The following GPR32 variants were observed in gnomAD, a reference collection of about 807,000 sequenced individuals.
GPR32 encodes G protein-coupled receptor 32.
For missense variants in GPR32, 433 were observed against 454.1 expected (o/e 0.95, Z 0.42); for synonymous variants, 215 against 195.3 (o/e 1.10, Z -0.84).
rs764920430 is a variant in GPR32 at position 50,771,317 on chromosome 19, C to A, written c.717C>A (p.Ile239=). The change falls in exon 1 of 1, where the codon ATC becomes ATA. Residue 239 remains isoleucine (I), a synonymous_variant. Transcript: ENST00000270590. ...TCATAGGCACCTGCGCCCACCTCAT[C>A]CGGGCCAAGCTCTTGCGGGAGGGCT... ...LAIIGTCAHL[I]RAKLLREGWV... 1.2e-6 allele frequency: 2 copies of A among 1,614,140 alleles called. No homozygotes were observed. Among genetic ancestry groups the A allele is most frequent in the South Asian group, 2.2e-5 (2 of 91,084 alleles).
chr19:50,770,516 T>C lies in GPR32; in HGVS notation c.-85T>C, dbSNP rs2089392893. ...GTGATCTGTGATTGTACCTTTGCAC[T>C]CCAGCCTGGGTGACAGAGCATGACG... On this transcript the variant is annotated 5_prime_UTR_variant, in exon 1 of 1. Coordinates refer to ENST00000270590, the MANE Select transcript of GPR32 (RefSeq NM_001506.2). 1 of 934,010 alleles carries C rather than the reference T, an allele frequency of 1.1e-6. No homozygotes were observed. Among genetic ancestry groups the C allele is most frequent in the East Asian group, 2.6e-5 (1 of 37,910 alleles). The allele number at this position is 934,010 out of a possible 1,614,324, so 57.9% of individuals were successfully genotyped here. A position where few individuals can be genotyped will look rare whatever the true frequency, so the allele number is the denominator to read the frequency against.
chr19:50,770,636 T>C lies in GPR32; in HGVS notation c.36T>C (p.Ser12=). The C allele has an allele frequency of 6.2e-7, 1 of 1,609,278 alleles. No individual in the cohort carries two copies. Among genetic ancestry groups the C allele is most frequent in the East Asian group, 2.2e-5 (1 of 44,834 alleles). ...NGVSEGTRGC[S]DRQPGVLTRD... ...TCTCGGAGGGGACCAGAGGCTGCAG[T>C]GACAGGCAACCTGGGGTCCTGACAC... The change falls in exon 1 of 1, where the codon AGT becomes AGC. Residue 12 remains serine (S), a synonymous_variant. Transcript: ENST00000270590.
rs558678074 is a variant in GPR32, at chr19:50,771,211, T to C, written c.611T>C (p.Ile204Thr). ...AACTCTGACAATGAGACTGCCCAGA[T>C]TTGGATTGAAGGGGTCGTGGAGGGA... is the stretch of plus-strand genomic sequence containing the variant. ...AFNSDNETAQ[I>T]WIEGVVEGHI... Residue 204 changes from isoleucine to threonine, a missense_variant, in exon 1 of 1, where the codon ATT becomes ACT. Transcript: ENST00000270590. 6.2e-7 allele frequency: 1 copy of C among 1,614,180 alleles called. No individual in the cohort carries two copies. Among genetic ancestry groups the C allele is most frequent in the African/African-American group, 1.3e-5 (1 of 75,050 alleles).
rs751531782 is a variant in GPR32 at position 50,770,793 on chromosome 19, C to T, written c.193C>T (p.Leu65=). The T allele has an allele frequency of 3.7e-6, 6 of 1,614,144 alleles. No individual in the cohort carries two copies. In the South Asian group the frequency reaches 6.6e-5, roughly 18 times the overall value. The change falls in exon 1 of 1, where the codon CTG becomes TTG. Residue 65 remains leucine, a synonymous_variant. Transcript: ENST00000270590. ...VVGVLGNGLV[L]WMTVFRMART... The stretch of plus-strand genomic sequence containing the variant: ...CGGAGTGCTGGGCAATGGGCTGGTG[C>T]TGTGGATGACTGTCTTCCGTATGGC...
At position 50,770,485 on chromosome 19, in the gene GPR32, G is replaced by A. The variant is rs902247701; in HGVS notation, c.-116G>A. On this transcript the variant is annotated 5_prime_UTR_variant, in exon 1 of 1. Coordinates refer to ENST00000270590, the MANE Select transcript of GPR32 (RefSeq NM_001506.2). ...GATCTCTTGAGCCTAGGAGGTGGAG[G>A]CTGCAGTGATCTGTGATTGTACCTT... The A allele has an allele frequency of 2.2e-5, 15 of 686,942 alleles. No homozygotes were observed. The highest frequency in any genetic ancestry group is 3.1e-5 in the Non-Finnish European group (13 of 417,832). 42.6% of individuals were successfully genotyped at this position (686,942 alleles called of 1,614,324 possible).
chr19:50,770,705 G>A lies in GPR32; in HGVS notation c.105G>A (p.Leu35=), dbSNP rs35300823. Residue 35 remains leucine (L), a synonymous_variant, in exon 1 of 1, where the codon CTG becomes CTA. Coordinates refer to ENST00000270590, the MANE Select transcript of GPR32 (RefSeq NM_001506.2). ...CSRKMNSSGC[L]SEEVGSLRPL... The stretch of plus-strand genomic sequence containing the variant: ...GGAAGATGAACTCTTCCGGATGCCT[G>A]TCTGAGGAGGTGGGGTCCCTCCGCC... The A allele has an allele frequency of 0.017, 27,993 of 1,614,058 alleles. 334 individuals carry two copies. Among genetic ancestry groups the A allele is most frequent in the Admixed American group, 0.048 (2,873 of 59,988 alleles).
rs1200870762 is a variant in GPR32, at chr19:50,771,086, C to T, written c.486C>T (p.Ala162=). 6.2e-7 allele frequency: 1 copy of T among 1,614,058 alleles called. No individual in the cohort carries two copies. Among genetic ancestry groups the T allele is most frequent in the Non-Finnish European group, 8.5e-7 (1 of 1,180,044 alleles). Residue 162 remains alanine, a synonymous_variant, in exon 1 of 1, where the codon GCC becomes GCT. Coordinates refer to ENST00000270590, the MANE Select transcript of GPR32 (RefSeq NM_001506.2). Reference sequence around the variant, plus strand: ...CTGTGCAGCGGGCGAGCTGGCTGGCCTTTGGGGTGTGGCTCCTGGCCGCCG... The same window carrying T: ...CTGTGCAGCGGGCGAGCTGGCTGGCTTTTGGGGTGTGGCTCCTGGCCGCCG... ...HRTVQRASWL[A]FGVWLLAAAL... is the part of the protein sequence containing the mutation.
Position 50,771,389 on chromosome 19 carries a change from C to T in GPR32, c.789C>T (p.Ser263=), listed in dbSNP as rs372938540. The part of the protein sequence containing the change: ...RPKRLLLVLV[S]AFFIFWSPFN... Reference sequence around the variant, plus strand: ...AGAGGCTGCTGCTGGTGCTGGTGAGCGCTTTCTTTATCTTCTGGTCCCCGT... The same window carrying T: ...AGAGGCTGCTGCTGGTGCTGGTGAGTGCTTTCTTTATCTTCTGGTCCCCGT... The change falls in exon 1 of 1, where the codon AGC becomes AGT. Residue 263 remains serine, a synonymous_variant. Transcript: ENST00000270590. The T allele has an allele frequency of 2.5e-6, 4 of 1,614,130 alleles. No individual in the cohort carries two copies. The highest frequency in any genetic ancestry group is 2.5e-6 in the Non-Finnish European group (3 of 1,180,022).
At position 50,770,900 on chromosome 19, in the gene GPR32, C is replaced by T. The variant is rs2089396151; in HGVS notation, c.300C>T (p.Tyr100=). ...CACTGTCTCTGCCCATTGCCATGTA[C>T]TATATTGTCTCCAGGCAGTGGCTCC... ...MLSLSLPIAM[Y]YIVSRQWLLG... Residue 100 remains tyrosine (Y), a synonymous_variant, in exon 1 of 1, where the codon TAC becomes TAT. Coordinates refer to ENST00000270590, the MANE Select transcript of GPR32 (RefSeq NM_001506.2). 1 of 1,614,212 alleles carries T rather than the reference C, an allele frequency of 6.2e-7. No homozygotes were observed. Among genetic ancestry groups the T allele is most frequent in the Non-Finnish European group, 8.5e-7 (1 of 1,180,044 alleles).
Position 50,771,196 on chromosome 19 carries a change from A to G in GPR32, c.596A>G (p.Asn199Ser). 6.2e-7 allele frequency: 1 copy of G among 1,614,192 alleles called. No homozygotes were observed. The highest frequency in any genetic ancestry group is 8.5e-7 in the Non-Finnish European group (1 of 1,180,038). Residue 199 changes from asparagine (N) to serine (S), a missense_variant, in exon 1 of 1, where the codon AAT (asparagine) becomes AGT (serine). Physicochemically the swap from Asn to Ser is conservative, Grantham distance 46. Transcript: ENST00000270590. ...TGCTACTTGGCGTTCAACTCTGACA[A>G]TGAGACTGCCCAGATTTGGATTGAA... ...THCYLAFNSD[N>S]ETAQIWIEGV...
chr19:50,771,251 C>A lies in GPR32; in HGVS notation c.651C>A (p.Thr217=). 2 of 1,614,146 alleles carry A rather than the reference C, an allele frequency of 1.2e-6. No individual in the cohort carries two copies. Among genetic ancestry groups the A allele is most frequent in the Non-Finnish European group, 1.7e-6 (2 of 1,180,030 alleles). The change falls in exon 1 of 1, where the codon ACC becomes ACA. Residue 217 remains threonine, a synonymous_variant. Transcript: ENST00000270590. ...TCGTGGAGGGACACATTATAGGGAC[C>A]ATTGGCCACTTCCTGCTGGGCTTCC... ...EGVVEGHIIG[T]IGHFLLGFLG... is the part of the protein sequence containing the mutation.
chr19:50,770,776 T>C lies in GPR32; in HGVS notation c.176T>C (p.Leu59Pro), dbSNP rs1312473417. ...ILSASIVVGV[L>P]GNGLVLWMTV... ...TCTGCGTCCATTGTCGTCGGAGTGCTGGGCAATGGGCTGGTGCTGTGGATG... is the reference window on the plus strand; with the variant it reads ...TCTGCGTCCATTGTCGTCGGAGTGCCGGGCAATGGGCTGGTGCTGTGGATG... The change falls in exon 1 of 1, where the codon CTG (leucine) becomes CCG (proline). Residue 59 changes from leucine (L) to proline (P), a missense_variant. Coordinates refer to ENST00000270590, the MANE Select transcript of GPR32 (RefSeq NM_001506.2). 2.5e-6 allele frequency: 4 copies of C among 1,614,036 alleles called. No homozygotes were observed. In the African/African-American group the frequency reaches 5.3e-5, roughly 22 times the overall value.
In GPR32 at chr19:50,771,239, C is replaced by T. The variant is rs2089398864; in HGVS notation, c.639C>T (p.His213=). The T allele has an allele frequency of 6.2e-7, 1 of 1,614,042 alleles. No homozygotes were observed. Among genetic ancestry groups the T allele is most frequent in the Non-Finnish European group, 8.5e-7 (1 of 1,180,016 alleles). Residue 213 remains histidine, a synonymous_variant, in exon 1 of 1, where the codon CAC becomes CAT. Coordinates refer to ENST00000270590, the MANE Select transcript of GPR32 (RefSeq NM_001506.2). ...GGATTGAAGGGGTCGTGGAGGGACA[C>T]ATTATAGGGACCATTGGCCACTTCC... ...QIWIEGVVEG[H]IIGTIGHFLL...
At position 50,771,183 on chromosome 19, in the gene GPR32, T is replaced by G; in HGVS notation, c.583T>G (p.Phe195Val). 6.2e-7 allele frequency: 1 copy of G among 1,614,166 alleles called. No homozygotes were observed. The highest frequency in any genetic ancestry group is 8.5e-7 in the Non-Finnish European group (1 of 1,180,034). ...WNGCTHCYLA[F>V]NSDNETAQIW... ...TGGCTGTACGCACTGCTACTTGGCG[T>G]TCAACTCTGACAATGAGACTGCCCA... Residue 195 changes from phenylalanine (F) to valine (V), a missense_variant, in exon 1 of 1, where the codon TTC becomes GTC. Physicochemically the swap from Phe to Val is conservative, Grantham distance 50. Coordinates refer to ENST00000270590, the MANE Select transcript of GPR32 (RefSeq NM_001506.2).
rs769240443 is a variant in GPR32 at position 50,771,174 on chromosome 19, T to C, written c.574T>C (p.Tyr192His). The C allele has an allele frequency of 1.2e-6, 2 of 1,614,238 alleles. No homozygotes were observed. Among genetic ancestry groups the C allele is most frequent in the Non-Finnish European group, 8.5e-7 (1 of 1,180,046 alleles). The change falls in exon 1 of 1, where the codon TAC becomes CAC. Residue 192 changes from tyrosine to histidine, a missense_variant. Transcript: ENST00000270590. ...AAAATGGAATGGCTGTACGCACTGC[T>C]ACTTGGCGTTCAACTCTGACAATGA... The part of the protein sequence containing the change: ...TRKWNGCTHC[Y>H]LAFNSDNETA...
the GPR32 span, chr19:50,771,407 G>A: frequency 2.5e-6 from 4 of 1,614,098 alleles, no homozygotes; most frequent in East Asian, 2.2e-5. Context: ...TTATCTTCTG[G>A]TCCCCGTTTA....
rs985714787 is a variant in GPR32, at chr19:50,770,653, T to C, written c.53T>C (p.Val18Ala). 2 of 1,612,924 alleles carry C rather than the reference T, an allele frequency of 1.2e-6. No individual in the cohort carries two copies. Among genetic ancestry groups the C allele is most frequent in the Non-Finnish European group, 8.5e-7 (1 of 1,179,400 alleles). The change falls in exon 1 of 1, where the codon GTC (valine) becomes GCC (alanine). Residue 18 changes from valine to alanine, a missense_variant. Transcript: ENST00000270590. ...GGCTGCAGTGACAGGCAACCTGGGG[T>C]CCTGACACGTGATCGCTCTTGTTCC... ...TRGCSDRQPG[V>A]LTRDRSCSRK...
rs373098205 is a variant in GPR32, at chr19:50,771,226, T to A, written c.626T>A (p.Val209Asp). ...ACTGCCCAGATTTGGATTGAAGGGG[T>A]CGTGGAGGGACACATTATAGGGACC... Reference protein sequence around the residue: ...NETAQIWIEGVVEGHIIGTIG... With the variant: ...NETAQIWIEGDVEGHIIGTIG... Residue 209 changes from valine to aspartate, a missense_variant, in exon 1 of 1, where the codon GTC becomes GAC. By Grantham distance (152) the Val-to-Asp change is radical. Transcript: ENST00000270590. The A allele has an allele frequency of 6.2e-7, 1 of 1,614,060 alleles. No individual in the cohort carries two copies. Among genetic ancestry groups the A allele is most frequent in the Non-Finnish European group, 8.5e-7 (1 of 1,180,018 alleles).
chr19:50,771,572 A>T lies in GPR32; in HGVS notation c.972A>T (p.Gln324His). 1.2e-6 allele frequency: 2 copies of T among 1,614,160 alleles called. No individual in the cohort carries two copies. The highest frequency in any genetic ancestry group is 1.3e-5 in the African/African-American group (1 of 75,060). The change falls in exon 1 of 1, where the codon CAA (glutamine) becomes CAT (histidine). Residue 324 changes from glutamine (Q) to histidine (H), a missense_variant. Transcript: ENST00000270590. Reference protein sequence around the residue: ...FLYVFVGRDFQEKFFQSLTSA... With the variant: ...FLYVFVGRDFHEKFFQSLTSA... ...ACGTCTTCGTTGGCAGAGATTTCCAAGAAAAGTTTTTCCAGTCTTTGACTT... is the reference window on the plus strand; with the variant it reads ...ACGTCTTCGTTGGCAGAGATTTCCATGAAAAGTTTTTCCAGTCTTTGACTT...
Sources: allele counts gnomAD v4.1 joint callset, GRCh38; gene constraint gnomAD v4.1.1; transcripts MANE v1.5; gene names NCBI Gene and HGNC (gene_info 2026-07-23, HGNC 2026-07-21).